SYNPO: variants seen among roughly 807,000 people sequenced by gnomAD.
SYNPO encodes synaptopodin.
In SYNPO, 19 loss-of-function variants were observed where a neutral mutation model predicts 49.5. The observed-to-expected ratio is 0.38, with a 90% CI of 0.27 to 0.56. SYNPO has a LOEUF of 0.56. Among genes scored for constraint, SYNPO ranks in the 20% least tolerant of loss-of-function variants. The pLI, the probability that SYNPO is intolerant of heterozygous loss-of-function variation, is 0.68. For synonymous variants in SYNPO, 536 were observed against 548.0 expected (o/e 0.98, Z 0.31); for missense variants, 1,131 against 1,248.3 (o/e 0.91, Z 1.42).
At chr5:150,642,641 G>A (rs1479674291) in intron 1 of SYNPO, among the ~76,000 whole-genome samples, 4 of 152,038 alleles carry the variant, frequency 2.6e-5, no homozygotes, top group Non-Finnish European at 5.9e-5. Context: ...CCTGCTACGA[G>A]GGACTCTAGG....
the SYNPO span, among the ~76,000 whole-genome samples, chr5:150,592,429 T>A: frequency 3.3e-4 from 50 of 152,142 alleles, no homozygotes; most frequent in Non-Finnish European, 5.0e-4. Context: ...CACTGCTAAG[T>A]GATATTGGAT....
intron 1 of SYNPO, among the ~76,000 whole-genome samples, chr5:150,617,306 GTT>G (rs36057037): frequency 8.0e-6 from 1 of 125,386 alleles, no homozygotes. Flanking sequence ...ATCTTCTTTT[GTT>G]TTTTTTGGCT....
intron 1 of SYNPO, among the ~76,000 whole-genome samples, chr5:150,603,896 T>A (rs1290665760): frequency 1.3e-5 from 2 of 152,210 alleles, no homozygotes; most frequent in Non-Finnish European, 2.9e-5. Context: ...AACAAAATGC[T>A]ATTTCCAGGA....
Position 150,656,595 on chromosome 5 carries a change from G to A in SYNPO, c.2220G>A (p.Leu740=), listed in dbSNP as rs1446683451. 6.6e-7 allele frequency: 1 copy of A among 1,520,262 alleles called. No individual in the cohort carries two copies. The highest frequency in any genetic ancestry group is 8.8e-7 in the Non-Finnish European group (1 of 1,141,324). 94.2% of individuals were successfully genotyped at this position (1,520,262 alleles called of 1,614,324 possible). ...PSWSERSVSP[L]RPETEARPPS... ...GGAGCGAGCGCTCGGTGTCCCCGCTGCGACCTGAGACCGAGGCGCGGCCCC... is the reference window on the plus strand; with the variant it reads ...GGAGCGAGCGCTCGGTGTCCCCGCTACGACCTGAGACCGAGGCGCGGCCCC... Residue 740 remains leucine (L), a synonymous_variant, in exon 3 of 3, where the codon CTG becomes CTA. Coordinates refer to ENST00000307662, the MANE Select transcript of SYNPO (RefSeq NM_007286.6).
intron 1 of SYNPO, among the ~76,000 whole-genome samples, chr5:150,615,889 C>G (rs1199784764): frequency 5.9e-5 from 9 of 152,194 alleles, no homozygotes; most frequent in Non-Finnish European, 1.0e-4. Context: ...AATTTCCTCA[C>G]CTCTGAAATG....
chr5:150,620,950 CTTTTCT>C (rs1561639925), intron 2 of SYNPO, among the ~76,000 whole-genome samples: 11 of 66,722 alleles, frequency 1.6e-4, no homozygotes, highest in African/African-American at 6.4e-4. Flanking sequence ...TCTTTCTTTT[CTTTTCT>C]TTTTTTTTTT....
upstream of SYNPO, among the ~76,000 whole-genome samples, chr5:150,636,968 C>G (rs74869987): frequency 1.0e-2 from 1,519 of 152,244 alleles, 32 homozygotes; most frequent in East Asian, 0.072. Context: ...TTAACCACCC[C>G]CCAATGTGTG....
intron 2 of SYNPO, among the ~76,000 whole-genome samples, chr5:150,619,985 A>G (rs2151369963): frequency 6.6e-6 from 1 of 152,188 alleles, no homozygotes; most frequent in South Asian, 2.1e-4. Context: ...CTCACACCAG[A>G]GTCCGCCCAA....
intron 2 of SYNPO, among the ~76,000 whole-genome samples, chr5:150,629,321 G>A (rs1757464178): frequency 6.6e-6 from 1 of 152,188 alleles, no homozygotes; most frequent in Non-Finnish European, 1.5e-5. Context: ...GATGGTGGGA[G>A]AATAGGCACA....
chr5:150,613,773 A>T (rs1456803871), intron 1 of SYNPO, among the ~76,000 whole-genome samples: 2 of 152,038 alleles, frequency 1.3e-5, no homozygotes, highest in Non-Finnish European at 2.9e-5. Flanking sequence ...ATAAAATTAG[A>T]TCTTGTGATT....
chr5:150,606,201 A>G (rs1487752677), intron 1 of SYNPO, among the ~76,000 whole-genome samples: 1 of 152,190 alleles, frequency 6.6e-6, no homozygotes, highest in African/African-American at 2.4e-5. Flanking sequence ...ACGCACACAG[A>G]CACACAGCAG....
rs752254592 is a variant in SYNPO at position 150,656,882 on chromosome 5, C to A, written c.2507C>A (p.Thr836Asn). The A allele has an allele frequency of 1.4e-5, 22 of 1,576,494 alleles. No homozygotes were observed. Among genetic ancestry groups the A allele is most frequent in the Non-Finnish European group, 1.9e-5 (22 of 1,162,824 alleles). Residue 836 changes from threonine to asparagine, a missense_variant, in exon 3 of 3, where the codon ACC (threonine) becomes AAC (asparagine). This residue lies in a region of SYNPO where 509 missense variants were observed against 484.5 expected (regional missense o/e 1.05). Coordinates refer to ENST00000307662, the MANE Select transcript of SYNPO (RefSeq NM_007286.6). ...SPLPAGPSSC[T>N]SPRSPLPAPP... Reference sequence around the variant, plus strand: ...TTGCCCGCCGGTCCTTCGTCCTGCACCAGTCCCCGGAGCCCGCTGCCCGCG... The same window carrying A: ...TTGCCCGCCGGTCCTTCGTCCTGCAACAGTCCCCGGAGCCCGCTGCCCGCG...
intron 2 of SYNPO, chr5:150,651,274 G>A (rs974268751): frequency 4.0e-6 from 4 of 1,001,404 alleles, no homozygotes; most frequent in Non-Finnish European, 4.8e-6. Flanking sequence ...GGGCCCAGGG[G>A]GAGGCAGGAG....
At chr5:150,624,774 G>T in intron 2 of SYNPO, 1 of 878,194 alleles carries the variant, frequency 1.1e-6, no homozygotes, top group South Asian at 5.0e-5. Context: ...AGGAGGGGGC[G>T]TCGGGCGCGG....
rs1421720493 is a variant in SYNPO at position 150,649,696 on chromosome 5, C to T, written c.1421C>T (p.Ser474Phe). The change falls in exon 2 of 3, where the codon TCC becomes TTC. Residue 474 changes from serine to phenylalanine, a missense_variant. Ser to Phe is a radical substitution (Grantham distance 155, BLOSUM62 -2). Transcript: ENST00000307662. ...AAGCCCAAACCCAACCAGAACCTCT[C>T]CGAGGCCTCTGGGAAGGGAGCTGAG... Reference protein sequence around the residue: ...KPKPKPNQNLSEASGKGAELY... With the variant: ...KPKPKPNQNLFEASGKGAELY... The T allele has an allele frequency of 9.3e-6, 15 of 1,611,910 alleles. No individual in the cohort carries two copies. The highest frequency in any genetic ancestry group is 1.1e-5 in the Non-Finnish European group (13 of 1,180,020).
intron 2 of SYNPO, among the ~76,000 whole-genome samples, chr5:150,620,895 T>TTTTC (rs1471968782): frequency 1.5e-5 from 2 of 137,324 alleles, no homozygotes; most frequent in African/African-American, 5.6e-5. Flanking sequence ...TTTTTTCTTT[T>TTTTC]TTTCTCTTTC....
At chr5:150,617,035 T>C (rs1023906396) in intron 1 of SYNPO, among the ~76,000 whole-genome samples, 26 of 152,192 alleles carry the variant, frequency 1.7e-4, no homozygotes, top group African/African-American at 6.0e-4. Context: ...AATAGGATCC[T>C]AAGAAATTTT....
At chr5:150,632,420 A>G (rs968860867) in intron 2 of SYNPO, among the ~76,000 whole-genome samples, 1 of 152,240 alleles carries the variant, frequency 6.6e-6, no homozygotes, top group Non-Finnish European at 1.5e-5. Context: ...AAAGCTTTAC[A>G]TATAAACACA....
At chr5:150,589,370 A>G in the SYNPO span, among the ~76,000 whole-genome samples, 1 of 152,220 alleles carries the variant, frequency 6.6e-6, no homozygotes, top group South Asian at 2.1e-4. Context: ...AGCCTTACAG[A>G]TAATTTCTGA....
Sources: gnomAD v4.1 joint callset for allele counts (sites outside exome capture counted in the v4.1 genomes callset) on GRCh38, gnomAD v4.1.1 for gene constraint, gnomAD v4.1.1 regional missense constraint, MANE v1.5 for transcripts, NCBI Gene and HGNC (gene_info 2026-07-23, HGNC 2026-07-21) for gene names.